Variants in SLC14A2 observed in about 807,000 individuals in gnomAD.
The protein encoded by SLC14A2 is urea transporter 2.
SLC14A2 carries 91 observed loss-of-function variants against 104.6 expected under a neutral mutation model. That is an observed-to-expected ratio of 0.87 (90% CI 0.73 to 1.04). The LOEUF is 1.04. Among genes scored for constraint, SLC14A2 ranks in the 50% least tolerant of loss-of-function variants. SLC14A2 has a pLI of 0.00. For missense variants in SLC14A2, 1,189 were observed against 1,156.0 expected (o/e 1.03, Z -0.41); for synonymous variants, 476 against 466.4 (o/e 1.02, Z -0.27).
chr18:45,415,902 T>G (rs996753549), intron 1 of SLC14A2, among the ~76,000 whole-genome samples: 20 of 152,188 alleles, frequency 1.3e-4, no homozygotes, highest in Non-Finnish European at 2.6e-4. Context: ...AAAAGCCATT[T>G]GTTCCCCATC....
intron 1 of SLC14A2, among the ~76,000 whole-genome samples, chr18:45,420,898 G>A (rs771425665): frequency 1.3e-5 from 2 of 151,816 alleles, no homozygotes; most frequent in East Asian, 1.9e-4. Context: ...GCACCACCAC[G>A]CCTAGCTAAC....
chr18:45,238,184 T>C (rs907043299), intron 1 of SLC14A2, among the ~76,000 whole-genome samples: 1 of 152,122 alleles, frequency 6.6e-6, no homozygotes, highest in Non-Finnish European at 1.5e-5. Context: ...ATGGTCTTGA[T>C]TGGGTAGTAT....
rs559020676 is a variant in SLC14A2 at position 45,419,713 on chromosome 18, G to A, written c.-124-63520G>A. On this transcript the variant is annotated intron_variant, in intron 1 of 20. Transcript: ENST00000586448. ...TACTTGATCCCAGGAGGCAGAGGTT[G>A]CAGTGGGCTGAGATCACACCACTGC... 5.3e-5 allele frequency among the ~76,000 whole-genome samples: 8 copies of A among 151,364 alleles called. No individual in the cohort carries two copies. The East Asian group carries it at 7.8e-4, about 15-fold the overall frequency.
the SLC14A2 span, among the ~76,000 whole-genome samples, chr18:45,204,543 G>C: frequency 5.8e-4 from 88 of 152,128 alleles, 1 homozygote; most frequent in Non-Finnish European, 2.6e-4. Flanking sequence ...TGGAGACTAT[G>C]TATTCTTATT....
chr18:45,590,688 C>T (rs1373097287), intron 2 of SLC14A2, among the ~76,000 whole-genome samples: 1 of 152,136 alleles, frequency 6.6e-6, no homozygotes, highest in African/African-American at 2.4e-5. Context: ...ATGCAAAGGC[C>T]CTGAAGTAGG....
intron 1 of SLC14A2, among the ~76,000 whole-genome samples, chr18:45,283,657 A>G (rs2084785400): frequency 6.6e-6 from 1 of 152,252 alleles, no homozygotes; most frequent in African/African-American, 2.4e-5. Flanking sequence ...TGTGTATTCA[A>G]CAGGTCTCCA....
intron 1 of SLC14A2, among the ~76,000 whole-genome samples, chr18:45,261,659 T>G (rs1461689027): frequency 6.6e-6 from 1 of 152,044 alleles, no homozygotes; most frequent in Non-Finnish European, 1.5e-5. Context: ...ACATGCGGTG[T>G]TTGGTTTTTT....
chr18:45,196,557 T>C, the SLC14A2 span, among the ~76,000 whole-genome samples: 948 of 152,328 alleles, frequency 6.2e-3, 27 homozygotes, highest in Admixed American at 0.054. Context: ...CTCAAGGTGA[T>C]ATTGAGGAAT....
intron 1 of SLC14A2, among the ~76,000 whole-genome samples, chr18:45,444,510 TAAA>T (rs1007403747): frequency 2.0e-5 from 3 of 152,070 alleles, no homozygotes; most frequent in African/African-American, 7.2e-5. Flanking sequence ...AGGGGGAAAA[TAAA>T]GAAGAAAAGA....
At chr18:45,451,894 A>G (rs570871515) in intron 1 of SLC14A2, among the ~76,000 whole-genome samples, 2 of 152,218 alleles carry the variant, frequency 1.3e-5, no homozygotes, top group Non-Finnish European at 2.9e-5. Context: ...TTCCCAATTT[A>G]TCTGTTTGCC....
At chr18:45,475,550 G>A (rs190954845) in intron 1 of SLC14A2, among the ~76,000 whole-genome samples, 8 of 146,150 alleles carry the variant, frequency 5.5e-5, no homozygotes, top group Non-Finnish European at 7.5e-5. Context: ...CCTGTATTGG[G>A]TGCATATATT....
At position 45,667,092 on chromosome 18, in the gene SLC14A2, A is replaced by G. The variant is rs754736852; in HGVS notation, c.1715A>G (p.Lys572Arg). The G allele has an allele frequency of 9.3e-6, 15 of 1,612,554 alleles. No homozygotes were observed. Among genetic ancestry groups the G allele is most frequent in the African/African-American group, 1.3e-5 (1 of 74,836 alleles). ...GEMKECGEGL[K>R]DKSPVFQFFD... ...ATGAAGGAGTGTGGAGAGGGACTTA[A>G]AGGTAAAATTCTATGAGAACAACAC... Residue 572 changes from lysine (K) to arginine (R), a missense_variant and splice_region_variant, in exon 13 of 20, where the codon AAA becomes AGA. By Grantham distance (26) the Lys-to-Arg change is conservative (BLOSUM62 2). Coordinates refer to ENST00000255226, the MANE Select transcript of SLC14A2 (RefSeq NM_007163.4).
chr18:45,458,428 C>T (rs545436300), intron 1 of SLC14A2, among the ~76,000 whole-genome samples: 2 of 152,154 alleles, frequency 1.3e-5, no homozygotes, highest in South Asian at 2.1e-4. Context: ...GGCAGGGTAC[C>T]CCACACTCGG....
intron 1 of SLC14A2, among the ~76,000 whole-genome samples, chr18:45,307,977 GTA>G (rs1375465854): frequency 6.6e-6 from 1 of 152,180 alleles, no homozygotes; most frequent in Non-Finnish European, 1.5e-5. Flanking sequence ...AGGTGAAGAG[GTA>G]GCAGACACAT....
At chr18:45,402,419 A>C (rs2086106349) in intron 1 of SLC14A2, among the ~76,000 whole-genome samples, 1 of 152,238 alleles carries the variant, frequency 6.6e-6, no homozygotes, top group Non-Finnish European at 1.5e-5. Context: ...CATCGCTGTC[A>C]TTATTACTCT....
the SLC14A2 span, among the ~76,000 whole-genome samples, chr18:45,194,150 A>G: frequency 1.3e-5 from 2 of 152,194 alleles, no homozygotes; most frequent in Non-Finnish European, 1.5e-5. Flanking sequence ...GTGAATAAAG[A>G]TATTTTCCAT....
Position 45,626,982 on chromosome 18 carries a change from T to C in SLC14A2, c.356T>C (p.Ile119Thr), listed in dbSNP as rs749765146. ...GACAAGCACCTTGCCCTCCAGTTCA[T>C]AGACTGGGTCCTGAGAGGGACCGCT... is the stretch of plus-strand genomic sequence containing the variant. ...LKDKHLALQF[I>T]DWVLRGTAQV... The change falls in exon 4 of 20, where the codon ATA becomes ACA. Residue 119 changes from isoleucine to threonine, a missense_variant. Transcript: ENST00000255226. 5.0e-6 allele frequency: 8 copies of C among 1,612,266 alleles called. No homozygotes were observed. Among genetic ancestry groups the C allele is most frequent in the Admixed American group, 3.3e-5 (2 of 60,010 alleles).
intron 5 of SLC14A2, 68 bp from the exon 6 acceptor site, chr18:45,636,922 A>G: frequency 7.7e-7 from 1 of 1,292,128 alleles, no homozygotes; most frequent in East Asian, 2.3e-5. Context: ...TACAGTGGCC[A>G]GAGCTGCTGA....
intron 1 of SLC14A2, among the ~76,000 whole-genome samples, chr18:45,438,862 A>G (rs2612586): frequency 0.8 from 121,511 of 152,174 alleles, 48,803 homozygotes; most frequent in South Asian, 0.93. Context: ...ATTATTCCCC[A>G]TATCAGGCAT....
Sources: allele counts gnomAD v4.1 joint callset (sites outside exome capture counted in the v4.1 genomes callset), GRCh38; gene constraint gnomAD v4.1.1; transcripts MANE v1.5; gene names NCBI Gene and HGNC (gene_info 2026-07-23, HGNC 2026-07-21).